KCNIP4: variants seen among roughly 807,000 people sequenced by gnomAD.
KCNIP4 encodes the protein Kv channel-interacting protein 4.
A neutral mutation model predicts 34.0 loss-of-function variants in KCNIP4; 12 were observed. The ratio of observed to expected loss-of-function variants is 0.35; its 90% CI spans 0.23 to 0.57. KCNIP4 has a LOEUF of 0.57. Among genes scored for constraint, KCNIP4 ranks in the 20% least tolerant of loss-of-function variants. The pLI, the probability that KCNIP4 is intolerant of heterozygous loss-of-function variation, is 0.83. For missense variants in KCNIP4, 238 were observed against 311.7 expected (o/e 0.76, Z 1.78); for synonymous variants, 124 against 102.2 (o/e 1.21, Z -1.29).
chr4:21,867,333 A>G (rs1400745514), intron 1 of KCNIP4, among the ~76,000 whole-genome samples: 2 of 152,166 alleles, frequency 1.3e-5, no homozygotes, highest in Non-Finnish European at 2.9e-5. Context: ...TCATAAAAAA[A>G]TTTACCAGAG....
chr4:21,130,359 G>A (rs1441609479), intron 1 of KCNIP4, among the ~76,000 whole-genome samples: 1 of 152,176 alleles, frequency 6.6e-6, no homozygotes, highest in Non-Finnish European at 1.5e-5. Context: ...CATTACAGAA[G>A]TTAAAATTTC....
intron 1 of KCNIP4, chr4:21,582,102 C>T (rs1263766907): frequency 8.7e-6 from 1 of 115,234 alleles, no homozygotes; most frequent in Admixed American, 8.3e-5. Flanking sequence ...GGGATATTGT[C>T]AGAGAATATG....
At position 21,030,223 on chromosome 4, in the gene KCNIP4, C is replaced by CT. The variant is rs201934796; in HGVS notation, c.62-147515dup. 6.5e-3 allele frequency among the ~76,000 whole-genome samples: 989 copies of CT among 152,172 alleles called. 9 individuals are homozygous for CT. The highest frequency in any genetic ancestry group is 7.7e-3 in the Non-Finnish European group (525 of 68,016). On this transcript the variant is annotated intron_variant, in intron 1 of 8. Coordinates refer to ENST00000382152, the MANE Select transcript of KCNIP4 (RefSeq NM_025221.6). ...CAGATAAGCAGCACCATTAGATTCT[C>CT]TTAGGAGCGTGAACCCTATTGTGAA...
Position 21,542,967 on chromosome 4 carries a change from C to T in KCNIP4, c.61+405604G>A, listed in dbSNP as rs542950755. The stretch of plus-strand genomic sequence containing the variant: ...AAGTAAACTGTTCAATGAATACTGT[C>T]AATTCAATGATGATTTTAAATTAAT... On this transcript the variant is annotated intron_variant, in intron 1 of 8. Transcript: ENST00000382152. Among the ~76,000 whole-genome samples the T allele has an allele frequency of 1.4e-4, 21 of 151,858 alleles. No homozygotes were observed. The South Asian group carries it at 4.4e-3, about 32-fold the overall frequency.
At chr4:21,439,825 A>T (rs1301418459) in intron 1 of KCNIP4, among the ~76,000 whole-genome samples, 1 of 152,250 alleles carries the variant, frequency 6.6e-6, no homozygotes, top group African/African-American at 2.4e-5. Flanking sequence ...ATTTCTTGAT[A>T]CATGAGGAAC....
chr4:20,837,623 GATAT>G (rs34413889), intron 3 of KCNIP4, among the ~76,000 whole-genome samples: 1 of 143,882 alleles, frequency 7.0e-6, no homozygotes. Context: ...AGTTCTCAGT[GATAT>G]ATATATATAT....
chr4:21,763,420 T>G (rs1237338548), intron 1 of KCNIP4, among the ~76,000 whole-genome samples: 1 of 152,174 alleles, frequency 6.6e-6, no homozygotes, highest in Non-Finnish European at 1.5e-5. Flanking sequence ...TTTCTTTTTC[T>G]TTTACTGAAT....
chr4:21,841,510 T>C (rs757421904), intron 1 of KCNIP4, among the ~76,000 whole-genome samples: 3 of 152,190 alleles, frequency 2.0e-5, no homozygotes, highest in African/African-American at 4.8e-5. Context: ...CCTCTTCATA[T>C]GCATCCAGGA....
At chr4:21,808,040 T>G (rs1721407773) in intron 1 of KCNIP4, among the ~76,000 whole-genome samples, 1 of 152,168 alleles carries the variant, frequency 6.6e-6, no homozygotes, top group Admixed American at 6.5e-5. Context: ...CATATATGCA[T>G]ACATTAAATT....
At chr4:21,925,873 T>C (rs911448487) in intron 1 of KCNIP4, among the ~76,000 whole-genome samples, 21 of 152,190 alleles carry the variant, frequency 1.4e-4, no homozygotes, top group African/African-American at 4.8e-4. Flanking sequence ...AATTAATAAA[T>C]GATAATGGGA....
At chr4:21,786,539 T>C (rs1314257914) in intron 1 of KCNIP4, among the ~76,000 whole-genome samples, 1 of 151,748 alleles carries the variant, frequency 6.6e-6, no homozygotes, top group African/African-American at 2.4e-5. Context: ...TTTGTCTACA[T>C]TGAGTGATTT....
chr4:21,814,989 C>T (rs1311139737), intron 1 of KCNIP4, among the ~76,000 whole-genome samples: 1 of 152,218 alleles, frequency 6.6e-6, no homozygotes, highest in Non-Finnish European at 1.5e-5. Flanking sequence ...CATTTTTCAA[C>T]AACTTTATAG....
At chr4:21,092,514 A>T (rs1374246455) in intron 1 of KCNIP4, among the ~76,000 whole-genome samples, 1 of 152,184 alleles carries the variant, frequency 6.6e-6, no homozygotes, top group Non-Finnish European at 1.5e-5. Context: ...TTAAAGAATG[A>T]ACTTGAGTGA....
At chr4:21,235,499 A>C (rs1171446676) in intron 1 of KCNIP4, among the ~76,000 whole-genome samples, 2 of 152,164 alleles carry the variant, frequency 1.3e-5, no homozygotes, top group East Asian at 3.9e-4. Flanking sequence ...CCAGATATCC[A>C]TGACTTGCTT....
At chr4:21,886,280 C>T (rs1358522305) in intron 1 of KCNIP4, among the ~76,000 whole-genome samples, 1 of 152,038 alleles carries the variant, frequency 6.6e-6, no homozygotes, top group Admixed American at 6.6e-5. Flanking sequence ...TGAAATTAAG[C>T]TCCAAAAGTG....
chr4:20,906,318 C>T (rs1239090425), intron 1 of KCNIP4, among the ~76,000 whole-genome samples: 1 of 152,106 alleles, frequency 6.6e-6, no homozygotes, highest in Non-Finnish European at 1.5e-5. Context: ...TGCCCCCTCC[C>T]TTATCAGTCC....
At chr4:21,387,008 G>A (rs999180983) in intron 1 of KCNIP4, among the ~76,000 whole-genome samples, 7 of 152,120 alleles carry the variant, frequency 4.6e-5, no homozygotes, top group African/African-American at 9.7e-5. Flanking sequence ...TTTTGCTATG[G>A]GCTACAGGAG....
chr4:21,420,672 C>A (rs915582788), intron 1 of KCNIP4, among the ~76,000 whole-genome samples: 1 of 152,132 alleles, frequency 6.6e-6, no homozygotes, highest in Non-Finnish European at 1.5e-5. Flanking sequence ...ATTTTAAGAC[C>A]TTACCTTCTG....
intron 1 of KCNIP4, among the ~76,000 whole-genome samples, chr4:21,283,996 G>C (rs567736507): frequency 1.3e-5 from 2 of 151,926 alleles, no homozygotes; most frequent in African/African-American, 2.4e-5. Flanking sequence ...GGCAGATCAC[G>C]AGGTCAGGAG....
Sources: allele counts gnomAD v4.1 joint callset (sites outside exome capture counted in the v4.1 genomes callset), GRCh38; gene constraint gnomAD v4.1.1; transcripts MANE v1.5; gene names NCBI Gene and HGNC (gene_info 2026-07-23, HGNC 2026-07-21).